The following UCP2 variants were observed in gnomAD, a reference collection of about 807,000 sequenced individuals.
UCP2 encodes the protein dicarboxylate carrier SLC25A8.
A neutral mutation model predicts 31.3 loss-of-function variants in UCP2; 27 were observed. The observed-to-expected ratio is 0.86, with a 90% CI of 0.64 to 1.19. UCP2 has a LOEUF of 1.19. UCP2 is among the 50% of genes most tolerant of loss of function. The pLI, the probability that UCP2 is intolerant of heterozygous loss-of-function variation, is 0.00. For synonymous variants in UCP2, 142 were observed against 157.4 expected (o/e 0.90, Z 0.73); for missense variants, 377 against 413.5 (o/e 0.91, Z 0.76).
At chr11:73,981,995 G>C (rs1951464234) in intron 1 of UCP2, among the ~76,000 whole-genome samples, 1 of 152,176 alleles carries the variant, frequency 6.6e-6, no homozygotes, top group Non-Finnish European at 1.5e-5. Context: ...GCTGTGAGGA[G>C]GTTGGAAGGG....
chr11:73,976,959 A>G lies in UCP2; in HGVS notation c.396T>C (p.Ala132=), dbSNP rs769405786. 4.4e-6 allele frequency: 7 copies of G among 1,609,108 alleles called. No homozygotes were observed. The highest frequency in any genetic ancestry group is 1.6e-4 in the Middle Eastern group (1 of 6,070). The change falls in exon 5 of 8, where the codon GCT becomes GCC. Residue 132 remains alanine, a synonymous_variant. Transcript: ENST00000663595. The part of the protein sequence containing the change: ...AGSTTGALAV[A]VAQPTDVVKV... ...TTACCACATCCGTGGGCTGGGCCAC[A>G]GCCACAGCCAGGGCACCTGTGGTGC...
At chr11:73,977,797 G>A in intron 4 of UCP2, 89 bp downstream of exon 4, 1 of 1,551,864 alleles carries the variant, frequency 6.4e-7, no homozygotes, top group Non-Finnish European at 8.9e-7. Context: ...GGATCGTGGG[G>A]CCTAAAAAAC....
At position 73,982,756 on chromosome 11, in the gene UCP2, G is replaced by C. The variant is rs45570334; in HGVS notation, c.-292C>G. ...GGAGAACACGGCAGTGCGTGCGGCT[G>C]TGTCTGTCGGCTGGCGGAGGGCGCG... On this transcript the variant is annotated 5_prime_UTR_variant, in exon 1 of 8. Transcript: ENST00000663595. 0.031 allele frequency: 4,728 copies of C among 152,842 alleles called. 252 individuals are homozygous for C. Among genetic ancestry groups the C allele is most frequent in the African/African-American group, 0.11 (4,417 of 41,588 alleles). The allele number at this position is 152,842 out of a possible 1,614,324, so 9.5% of individuals were successfully genotyped here. A position where few individuals can be genotyped will look rare whatever the true frequency, so the allele number is the denominator to read the frequency against.
At chr11:73,980,724 C>T (rs1314410643) in intron 2 of UCP2, 2 of 152,258 alleles carry the variant, frequency 1.3e-5, no homozygotes, top group African/African-American at 4.8e-5. Flanking sequence ...CTCCTCAGTT[C>T]GTTCTTGCTG....
intron 1 of UCP2, among the ~76,000 whole-genome samples, chr11:73,981,935 G>A (rs566309218): frequency 3.2e-4 from 49 of 152,276 alleles, no homozygotes; most frequent in South Asian, 1.5e-3. Context: ...GTTGTGAGGG[G>A]GTCACGATGG....
intron 2 of UCP2, among the ~76,000 whole-genome samples, chr11:73,979,383 C>A (rs1951415336): frequency 6.6e-6 from 1 of 152,018 alleles, no homozygotes; most frequent in Non-Finnish European, 1.5e-5. Context: ...CCCATCTCCG[C>A]TAAAAATACA....
chr11:73,982,892 C>T (rs12361345), upstream of UCP2: 1,703 of 137,428 alleles, frequency 0.012, 19 homozygotes, highest in African/African-American at 0.031. Context: ...GGGCGGGGCC[C>T]GGGGTGGGGC....
At chr11:73,976,385 C>A (rs1951345801) in intron 6 of UCP2, among the ~76,000 whole-genome samples, 1 of 152,026 alleles carries the variant, frequency 6.6e-6, no homozygotes, top group Non-Finnish European at 1.5e-5. Flanking sequence ...AAAACAAAAA[C>A]AGACAGGGAC....
chr11:73,977,082 C>T, intron 4 of UCP2, 65 bp from the exon 5 acceptor site: 1 of 1,488,954 alleles, frequency 6.7e-7, no homozygotes, highest in East Asian at 2.3e-5. Flanking sequence ...CATCTCTCCT[C>T]ACCAAAACCA....
At chr11:73,982,199 T>C (rs934350288) in intron 1 of UCP2, among the ~76,000 whole-genome samples, 3 of 151,832 alleles carry the variant, frequency 2.0e-5, no homozygotes, top group Non-Finnish European at 4.4e-5. Flanking sequence ...AGTGAAAAGG[T>C]GGAGGCTCAA....
At chr11:73,980,573 AC>A (rs1951435060) in intron 2 of UCP2, 1 of 151,700 alleles carries the variant, frequency 6.6e-6, no homozygotes, top group African/African-American at 2.4e-5. Flanking sequence ...AACTTTCCCC[AC>A]CCCAACGCCC....
Position 73,974,911 on chromosome 11 carries a change from G to C in UCP2, c.*96C>G. On this transcript the variant is annotated 3_prime_UTR_variant, in exon 8 of 8. Transcript: ENST00000663595. Reference sequence around the variant, plus strand: ...GAAGAGGTGGGGAAAGAGGGAAGGAGAGAAGGGAAGGAGGGAAGAGAAAGA... The same window carrying C: ...GAAGAGGTGGGGAAAGAGGGAAGGACAGAAGGGAAGGAGGGAAGAGAAAGA... 1 of 1,040,940 alleles carries C rather than the reference G, an allele frequency of 9.6e-7. No individual in the cohort carries two copies. The highest frequency in any genetic ancestry group is 1.5e-6 in the Non-Finnish European group (1 of 681,766). The allele number at this position is 1,040,940 out of a possible 1,614,324, so 64.5% of individuals were successfully genotyped here.
chr11:73,978,099 G>C lies in UCP2; in HGVS notation c.127-3C>G, dbSNP rs772416809. On this transcript the variant is annotated splice_polypyrimidine_tract_variant and splice_region_variant and intron_variant, in intron 3 of 7. Transcript: ENST00000663595. ...GGCCCCTGACTTTCTCCTTGGATCTGCAAGGCCAAGACAGGGTAGCTACAG... is the reference window on the plus strand; with the variant it reads ...GGCCCCTGACTTTCTCCTTGGATCTCCAAGGCCAAGACAGGGTAGCTACAG... 3.1e-6 allele frequency: 5 copies of C among 1,613,986 alleles called. No homozygotes were observed. Among genetic ancestry groups the C allele is most frequent in the Non-Finnish European group, 2.5e-6 (3 of 1,179,968 alleles).
At chr11:73,980,206 AGCAGCT>A (rs1367187437) in intron 2 of UCP2, among the ~76,000 whole-genome samples, 1 of 152,004 alleles carries the variant, frequency 6.6e-6, no homozygotes. Flanking sequence ...ACTTCATTGG[AGCAGCT>A]GCTTTGAGCC....
chr11:73,978,257 A>G lies in UCP2; in HGVS notation c.122T>C (p.Leu41Ser), dbSNP rs770652835. 4.3e-6 allele frequency: 7 copies of G among 1,614,080 alleles called. No homozygotes were observed. The East Asian group carries it at 1.6e-4, about 36-fold the overall frequency. Residue 41 changes from leucine (L) to serine (S), a missense_variant, in exon 3 of 8, where the codon TTA becomes TCA. Transcript: ENST00000663595. ...TFPLDTAKVRLQIQGESQGPV... is the reference protein window; with the variant it reads ...TFPLDTAKVRSQIQGESQGPV... ...TCCCAGGCTTCATCCCCTCACCTGT[A>G]ACCGGACTTTAGCAGTATCCAGAGG...
rs45508598 is a variant in UCP2, at chr11:73,974,869, A to G, written c.*138T>C. On this transcript the variant is annotated 3_prime_UTR_variant, in exon 8 of 8. Transcript: ENST00000663595. Reference sequence around the variant, plus strand: ...AGAATGTAGAAAGAGGGAAGGTGGTAGGTAAAGGAGCGGAAGGAAGAGGTG... The same window carrying G: ...AGAATGTAGAAAGAGGGAAGGTGGTGGGTAAAGGAGCGGAAGGAAGAGGTG... 4.9e-3 allele frequency: 3,805 copies of G among 772,940 alleles called. 103 individuals are homozygous for G. The African/African-American group carries it at 0.058, about 12-fold the overall frequency. 47.9% of individuals were successfully genotyped at this position (772,940 alleles called of 1,614,324 possible).
At position 73,982,798 on chromosome 11, in the gene UCP2, A is replaced by G. The variant is rs1951482949; in HGVS notation, c.-334T>C. 1 of 152,138 alleles carries G rather than the reference A, an allele frequency of 6.6e-6. No individual in the cohort carries two copies. Among genetic ancestry groups the G allele is most frequent in the South Asian group, 2.1e-4 (1 of 4,838 alleles). 9.4% of individuals were successfully genotyped at this position (152,138 alleles called of 1,614,324 possible). ...GAGGGCGCGTCGGACGAGCCGGGCG[A>G]GCGTGGACAGTCAATCCCAAGGCGC... On this transcript the variant is annotated 5_prime_UTR_variant, in exon 1 of 8. Transcript: ENST00000663595.
At chr11:73,976,772 C>T (rs748936808) in intron 5 of UCP2, 30 bp from the exon 6 acceptor site, 2 of 1,614,144 alleles carry the variant, frequency 1.2e-6, no homozygotes, top group South Asian at 2.2e-5. Context: ...CTGGGTGAGA[C>T]CAGAGTATCG....
In UCP2 at chr11:73,978,059, G is replaced by A. The variant is rs660339; in HGVS notation, c.164C>T (p.Ala55Val). Reference sequence around the variant, plus strand: ...CATCACACCGCGGTACTGGGCGCTGGCTGTAGCGCGCACTGGCCCCTGACT... The same window carrying A: ...CATCACACCGCGGTACTGGGCGCTGACTGTAGCGCGCACTGGCCCCTGACT... ...GESQGPVRAT[A>V]SAQYRGVMGT... Residue 55 changes from alanine to valine, a missense_variant, in exon 4 of 8, where the codon GCC becomes GTC. Ala to Val is a moderately conservative substitution (Grantham distance 64). Transcript: ENST00000663595. 0.41 allele frequency: 662,380 copies of A among 1,613,752 alleles called. 137,095 individuals carry two copies. The highest frequency in any genetic ancestry group is 0.46 in the Admixed American group (27,601 of 59,966).
Sources: allele counts gnomAD v4.1 joint callset (sites outside exome capture counted in the v4.1 genomes callset), GRCh38; gene constraint gnomAD v4.1.1; transcripts MANE v1.5; gene names NCBI Gene and HGNC (gene_info 2026-07-23, HGNC 2026-07-21).